The following TBC1D32 variants were observed in gnomAD, a reference collection of about 807,000 sequenced individuals.
The protein encoded by TBC1D32 is TBC1 domain family member 32.
In TBC1D32, 151 loss-of-function variants were observed where a neutral mutation model predicts 170.3. The ratio of observed to expected loss-of-function variants is 0.89; its 90% CI spans 0.78 to 1.01. TBC1D32 has a LOEUF of 1.01. Ranked by LOEUF, TBC1D32 falls within the 50% of genes least tolerant of loss-of-function variation. TBC1D32 has a pLI of 0.00. For synonymous variants in TBC1D32, 498 were observed against 488.0 expected (o/e 1.02, Z -0.27); for missense variants, 1,464 against 1,457.1 (o/e 1.00, Z -0.08).
intron 22 of TBC1D32, among the ~76,000 whole-genome samples, chr6:121,195,199 C>G (rs1026391274): frequency 6.6e-6 from 1 of 152,192 alleles, no homozygotes; most frequent in Non-Finnish European, 1.5e-5. Flanking sequence ...GGCTCTGCAA[C>G]AGGTCCAGGC....
At chr6:121,179,590 T>C (rs986870736) in intron 22 of TBC1D32, among the ~76,000 whole-genome samples, 1 of 152,096 alleles carries the variant, frequency 6.6e-6, no homozygotes, top group Non-Finnish European at 1.5e-5. Flanking sequence ...AAGAGTTCAA[T>C]AAATAAAGTC....
intron 24 of TBC1D32, among the ~76,000 whole-genome samples, chr6:121,135,049 T>A (rs560615514): frequency 6.6e-6 from 1 of 152,130 alleles, no homozygotes; most frequent in African/African-American, 2.4e-5. Context: ...GGCTAGCCCA[T>A]GACCTTCTAT....
At chr6:121,308,654 T>C (rs565059097) in intron 4 of TBC1D32, among the ~76,000 whole-genome samples, 22 of 151,128 alleles carry the variant, frequency 1.5e-4, no homozygotes, top group Non-Finnish European at 2.2e-4. Flanking sequence ...GATGCAAAAT[T>C]GTATTTCTGT....
At chr6:121,294,912 G>A (rs1171214678) in intron 10 of TBC1D32, among the ~76,000 whole-genome samples, 1 of 152,094 alleles carries the variant, frequency 6.6e-6, no homozygotes, top group Non-Finnish European at 1.5e-5. Flanking sequence ...TCATTGGACA[G>A]AAATAAATAT....
At chr6:121,207,691 A>C (rs758388019) in intron 21 of TBC1D32, among the ~76,000 whole-genome samples, 7 of 152,192 alleles carry the variant, frequency 4.6e-5, no homozygotes, top group Non-Finnish European at 1.0e-4. Context: ...ACTTACAAAA[A>C]GTAGACAGAA....
At chr6:121,115,340 T>C (rs2128200917) in intron 26 of TBC1D32, 99 bp from the exon 27 acceptor site, 1 of 838,090 alleles carries the variant, frequency 1.2e-6, no homozygotes, top group East Asian at 2.9e-5. Flanking sequence ...TTACATATTT[T>C]AATGTGAATT....
rs751932310 is a variant in TBC1D32, at chr6:121,310,795, G to C, written c.548C>G (p.Pro183Arg). Residue 183 changes from proline (P) to arginine (R), a missense_variant, in exon 4 of 32, where the codon CCT becomes CGT. Coordinates refer to ENST00000398212, the MANE Select transcript of TBC1D32 (RefSeq NM_152730.6). ...GAAACTTACCTCTTTAGGTTGCCCA[G>C]GATCCAACTGGTCTAAAATCAATTG... ...KLQLILDQLD[P>R]GQPKEVRYEA... 1 of 1,567,480 alleles carries C rather than the reference G, an allele frequency of 6.4e-7. No individual in the cohort carries two copies.
At chr6:121,112,754 C>T (rs1239549755) in intron 28 of TBC1D32, 95 bp from the exon 29 acceptor site, 15 of 1,099,762 alleles carry the variant, frequency 1.4e-5, no homozygotes, top group Non-Finnish European at 1.7e-5. Context: ...AAATAAAAAG[C>T]AGACATTCTT....
intron 27 of TBC1D32, among the ~76,000 whole-genome samples, chr6:121,113,886 C>T (rs1305664454): frequency 6.6e-6 from 1 of 152,044 alleles, no homozygotes; most frequent in Admixed American, 6.6e-5. Context: ...TTTAAAAAGT[C>T]TCTTTTTAAA....
At chr6:121,115,484 GT>G (rs1441416016) in intron 26 of TBC1D32, 4 of 317,824 alleles carry the variant, frequency 1.3e-5, no homozygotes, top group Non-Finnish European at 2.3e-5. Context: ...AACAATAGTA[GT>G]TTTAAAACAA....
chr6:121,153,128 C>A (rs936376401), intron 24 of TBC1D32, among the ~76,000 whole-genome samples: 1 of 152,058 alleles, frequency 6.6e-6, no homozygotes, highest in Non-Finnish European at 1.5e-5. Flanking sequence ...TTTTCCTCAC[C>A]TTTGTGGATT....
chr6:121,327,586 G>T (rs1235575999), intron 1 of TBC1D32, among the ~76,000 whole-genome samples: 2 of 152,140 alleles, frequency 1.3e-5, no homozygotes, highest in African/African-American at 4.8e-5. Flanking sequence ...TGCTACAGAG[G>T]GTAGTCTGGT....
intron 19 of TBC1D32, among the ~76,000 whole-genome samples, chr6:121,240,803 A>G (rs1050752349): frequency 1.5e-4 from 21 of 140,236 alleles, no homozygotes; most frequent in Non-Finnish European, 2.7e-4. Flanking sequence ...TGAACCCAGG[A>G]GGCGGAGGTT....
At chr6:121,181,383 G>A (rs117043326) in intron 22 of TBC1D32, among the ~76,000 whole-genome samples, 3,654 of 152,012 alleles carry the variant, frequency 0.024, 163 homozygotes, top group East Asian at 0.12. Flanking sequence ...AAAGTGTGTG[G>A]CACCTCCCAC....
At chr6:121,176,633 T>C (rs1230713585) in intron 22 of TBC1D32, among the ~76,000 whole-genome samples, 1 of 151,730 alleles carries the variant, frequency 6.6e-6, no homozygotes, top group Non-Finnish European at 1.5e-5. Flanking sequence ...AGTTTCACTC[T>C]TGTCCCCCAG....
chr6:121,200,166 T>C (rs139162749), intron 22 of TBC1D32, among the ~76,000 whole-genome samples: 4,199 of 151,362 alleles, frequency 0.028, 102 homozygotes, highest in Non-Finnish European at 0.043. Flanking sequence ...AAAGAAGAAA[T>C]AGGTTTTAGA....
At chr6:121,291,211 C>A (rs528985714) in intron 12 of TBC1D32, among the ~76,000 whole-genome samples, 2 of 151,824 alleles carry the variant, frequency 1.3e-5, no homozygotes, top group Non-Finnish European at 2.9e-5. Context: ...ACAGTTTAGG[C>A]GGTGATCAGT....
At chr6:121,328,961 A>G (rs547067280) in intron 1 of TBC1D32, among the ~76,000 whole-genome samples, 1 of 152,306 alleles carries the variant, frequency 6.6e-6, no homozygotes, top group East Asian at 1.9e-4. Context: ...AATATTCTTC[A>G]AAGAGGGACA....
chr6:121,331,258 G>A (rs959028013), intron 1 of TBC1D32, among the ~76,000 whole-genome samples: 1 of 152,080 alleles, frequency 6.6e-6, no homozygotes, highest in African/African-American at 2.4e-5. Context: ...ACCCAGGCTG[G>A]AGTGCAGTGG....
Sources: gnomAD v4.1 joint callset for allele counts (sites outside exome capture counted in the v4.1 genomes callset) on GRCh38, gnomAD v4.1.1 for gene constraint, MANE v1.5 for transcripts, NCBI Gene and HGNC (gene_info 2026-07-23, HGNC 2026-07-21) for gene names.